ZNF527: variants seen among roughly 807,000 people sequenced by gnomAD.
ZNF527 encodes the protein zinc finger protein 527.
In ZNF527, 5 loss-of-function variants were observed where a neutral mutation model predicts 13.5. The observed-to-expected ratio is 0.37, with a 90% CI of 0.19 to 0.78. ZNF527 has a LOEUF of 0.78. Ranked by LOEUF, ZNF527 falls within the 30% of genes least tolerant of loss-of-function variation. The probability of loss-of-function intolerance (pLI) is 0.48; values close to 1 mark genes in which losing one functional copy is unlikely to be tolerated. For synonymous variants in ZNF527, 209 were observed against 243.1 expected (o/e 0.86, Z 1.30); for missense variants, 628 against 726.4 (o/e 0.86, Z 1.56).
At position 37,388,687 on chromosome 19, in the gene ZNF527, A is replaced by T. The variant is rs4452075; in HGVS notation, c.638A>T (p.His213Leu). The T allele has an allele frequency of 6.2e-7, 1 of 1,611,434 alleles. No homozygotes were observed. The change falls in exon 5 of 5, where the codon CAT (histidine) becomes CTT (leucine). Residue 213 changes from histidine to leucine, a missense_variant. Around this residue, in one of 3 missense-constraint regions of ZNF527, gnomAD observed 592 missense variants for 678.0 expected, o/e 0.87. Transcript: ENST00000436120. ...NSVIIEYKRL[H>L]AEKESLIGNE... Reference sequence around the variant, plus strand: ...GTCATAATTGAATATAAAAGACTCCATGCTGAGAAGGAATCTTTGATAGGT... The same window carrying T: ...GTCATAATTGAATATAAAAGACTCCTTGCTGAGAAGGAATCTTTGATAGGT...
chr19:37,385,442 A>T (rs1286425092), intron 4 of ZNF527: 2 of 398,460 alleles, frequency 5.0e-6, no homozygotes, highest in African/African-American at 4.1e-5. Flanking sequence ...GAATTTTACA[A>T]GTCAACCCTG....
In ZNF527 at chr19:37,371,208, G is replaced by C. The variant is rs1278391922; in HGVS notation, c.-60G>C. The C allele has an allele frequency of 6.5e-6, 1 of 152,674 alleles. No homozygotes were observed. Among genetic ancestry groups the C allele is most frequent in the African/African-American group, 2.4e-5 (1 of 41,454 alleles). 9.5% of individuals were successfully genotyped at this position (152,674 alleles called of 1,614,324 possible). ...GTCTCGGTCGCGGGGCCCGTTTGCA[G>C]AGCCCGCGGCGCCGGGAGGTGAGTG... is the stretch of plus-strand genomic sequence containing the variant. On this transcript the variant is annotated 5_prime_UTR_variant, in exon 1 of 5. Coordinates refer to ENST00000436120, the MANE Select transcript of ZNF527 (RefSeq NM_032453.2).
At chr19:37,371,863 G>T (rs2040559558) in intron 1 of ZNF527, among the ~76,000 whole-genome samples, 1 of 152,084 alleles carries the variant, frequency 6.6e-6, no homozygotes, top group Non-Finnish European at 1.5e-5. Context: ...GATTGGGTGA[G>T]AATTTGTGTG....
Position 37,375,298 on chromosome 19 carries a change from C to CTTTGT in ZNF527, c.33+1070_33+1071insGTTTT, listed in dbSNP as rs1354797643. Among the ~76,000 whole-genome samples, 97 of 103,810 alleles carry CTTTGT rather than the reference C, an allele frequency of 9.3e-4. 1 individual carries two copies. Among genetic ancestry groups the CTTTGT allele is most frequent in the African/African-American group, 4.2e-3 (97 of 23,072 alleles). The allele number at this position is 103,810 out of a possible 152,430, so 68.1% of individuals were successfully genotyped here. A position where few individuals can be genotyped will look rare whatever the true frequency, so the allele number is the denominator to read the frequency against. On this transcript the variant is annotated intron_variant, in intron 2 of 4. Transcript: ENST00000436120. Reference sequence around the variant, plus strand: ...TCTTTCTTTCTTTCTTTCTTTCTTTCTTTCTTTCTTTCTTTTCTTTCTTTC... The same window carrying CTTTGT: ...TCTTTCTTTCTTTCTTTCTTTCTTTCTTTGTTTTCTTTCTTTCTTTTCTTTCTTTC...
Position 37,392,747 on chromosome 19 carries a change from A to G in ZNF527, c.*2868A>G, listed in dbSNP as rs1442629787. On this transcript the variant is annotated 3_prime_UTR_variant, in exon 5 of 5. Transcript: ENST00000436120. ...GATTTCATCCTCGAGAGTGACGTAA[A>G]CCTAAGCTACTGGTTCATTCTCTGT... 1 of 152,132 alleles carries G rather than the reference A, an allele frequency of 6.6e-6. No homozygotes were observed. The highest frequency in any genetic ancestry group is 1.5e-5 in the Non-Finnish European group (1 of 68,022). The allele number at this position is 152,132 out of a possible 1,614,324, so 9.4% of individuals were successfully genotyped here.
Position 37,390,040 on chromosome 19 carries a change from T to G in ZNF527, c.*161T>G. Reference sequence around the variant, plus strand: ...CAGTAGTAGACATCTGTTACTTTTTTTTTTTTCAGACAGAGTCTCGCTCTG... The same window carrying G: ...CAGTAGTAGACATCTGTTACTTTTTGTTTTTTCAGACAGAGTCTCGCTCTG... On this transcript the variant is annotated 3_prime_UTR_variant, in exon 5 of 5. Transcript: ENST00000436120. The G allele has an allele frequency of 6.4e-6, 6 of 937,440 alleles. No homozygotes were observed. The highest frequency in any genetic ancestry group is 9.1e-6 in the Non-Finnish European group (6 of 659,716). 58.1% of individuals were successfully genotyped at this position (937,440 alleles called of 1,614,324 possible). A position where few individuals can be genotyped will look rare whatever the true frequency, so the allele number is the denominator to read the frequency against.
chr19:37,378,056 G>A (rs1055825218), intron 2 of ZNF527, among the ~76,000 whole-genome samples: 1 of 149,944 alleles, frequency 6.7e-6, no homozygotes, highest in African/African-American at 2.5e-5. Flanking sequence ...TTGAGACGGA[G>A]TCTTGCTCTG....
intron 3 of ZNF527, 122 bp downstream of exon 3, chr19:37,379,368 T>G (rs1257002525): frequency 1.7e-5 from 16 of 922,102 alleles, no homozygotes; most frequent in Middle Eastern, 2.4e-4. Flanking sequence ...TTCTACTTCC[T>G]GTTCCCAGGA....
At position 37,389,079 on chromosome 19, in the gene ZNF527, C is replaced by T. The variant is rs1299302344; in HGVS notation, c.1030C>T (p.His344Tyr). The T allele has an allele frequency of 6.2e-6, 10 of 1,613,992 alleles. No individual in the cohort carries two copies. In the Admixed American group the frequency reaches 8.3e-5, roughly 13 times the overall value. ...TAACAAAGCTTTCAGACAGAGTGCT[C>T]ACCTTGCTCAACATCAGAGGATCCA... is the stretch of plus-strand genomic sequence containing the variant. The part of the protein sequence containing the change: ...ECNKAFRQSA[H>Y]LAQHQRIHTG... The change falls in exon 5 of 5, where the codon CAC becomes TAC. Residue 344 changes from histidine to tyrosine, a missense_variant. This residue lies in a region of ZNF527 where 592 missense variants were observed against 678.0 expected (regional missense o/e 0.87). Coordinates refer to ENST00000436120, the MANE Select transcript of ZNF527 (RefSeq NM_032453.2).
At chr19:37,377,667 TACTA>T (rs1466001604) in intron 2 of ZNF527, among the ~76,000 whole-genome samples, 1 of 152,170 alleles carries the variant, frequency 6.6e-6, no homozygotes, top group Non-Finnish European at 1.5e-5. Context: ...ATAGCTCTCT[TACTA>T]ACCCTAGATC....
chr19:37,388,655 A>C lies in ZNF527; in HGVS notation c.606A>C (p.Gln202His). 6.2e-7 allele frequency: 1 copy of C among 1,613,242 alleles called. No individual in the cohort carries two copies. The change falls in exon 5 of 5, where the codon CAA becomes CAC. Residue 202 changes from glutamine to histidine, a missense_variant. Coordinates refer to ENST00000436120, the MANE Select transcript of ZNF527 (RefSeq NM_032453.2). ...KFDIYDKLFP[Q>H]NSVIIEYKRL... ...ATATTTATGATAAACTCTTCCCCCAAAATTCAGTCATAATTGAATATAAAA... is the reference window on the plus strand; with the variant it reads ...ATATTTATGATAAACTCTTCCCCCACAATTCAGTCATAATTGAATATAAAA...
chr19:37,375,465 G>C (rs541835117), intron 2 of ZNF527, among the ~76,000 whole-genome samples: 2 of 150,334 alleles, frequency 1.3e-5, no homozygotes, highest in East Asian at 2.0e-4. Flanking sequence ...GGGTTCAAGC[G>C]ATTCTCCTGC....
Position 37,374,237 on chromosome 19 carries a change from C to A in ZNF527, c.33+6C>A, listed in dbSNP as rs374818871. 1.2e-5 allele frequency: 20 copies of A among 1,613,984 alleles called. No individual in the cohort carries two copies. In the African/African-American group the frequency reaches 2.7e-4, roughly 22 times the overall value. ...TTTGTAAAGCCATGTCCCAGGTAAG[C>A]ATGCTCTTTCACTTTGTTTTCAGAC... On this transcript the variant is annotated splice_donor_region_variant and intron_variant, in intron 2 of 4. Coordinates refer to ENST00000436120, the MANE Select transcript of ZNF527 (RefSeq NM_032453.2).
rs1159117209 is a variant in ZNF527, at chr19:37,391,401, C to T, written c.*1522C>T. On this transcript the variant is annotated 3_prime_UTR_variant, in exon 5 of 5. Coordinates refer to ENST00000436120, the MANE Select transcript of ZNF527 (RefSeq NM_032453.2). ...CCTGACCAACATGGAGAAACCCCGT[C>T]TCTACTAAAAATACAAAATTAGCCG... is the stretch of plus-strand genomic sequence containing the variant. 6.6e-6 allele frequency: 1 copy of T among 151,876 alleles called. No homozygotes were observed. The highest frequency in any genetic ancestry group is 1.5e-5 in the Non-Finnish European group (1 of 68,004). 9.4% of individuals were successfully genotyped at this position (151,876 alleles called of 1,614,324 possible).
chr19:37,374,110 A>C lies in ZNF527; in HGVS notation c.-41-48A>C. 5.1e-6 allele frequency: 7 copies of C among 1,362,182 alleles called. No individual in the cohort carries two copies. The South Asian group carries it at 7.0e-5, about 14-fold the overall frequency. The allele number at this position is 1,362,182 out of a possible 1,614,324, so 84.4% of individuals were successfully genotyped here. A position where few individuals can be genotyped will look rare whatever the true frequency, so the allele number is the denominator to read the frequency against. On this transcript the variant is annotated intron_variant, in intron 1 of 4. Transcript: ENST00000436120. ...TATTTTTGTGGGTCTTGGACCAAAA[A>C]CACAGGGCTGGCACATCATCATTTC...
intron 4 of ZNF527, chr19:37,384,927 A>C (rs1037155865): frequency 1.4e-6 from 1 of 701,766 alleles, no homozygotes; most frequent in African/African-American, 1.8e-5. Flanking sequence ...ACTGCAGCCT[A>C]TACCTACGGA....
chr19:37,378,356 A>T (rs1165199886), intron 2 of ZNF527, among the ~76,000 whole-genome samples: 7 of 152,144 alleles, frequency 4.6e-5, no homozygotes, highest in Non-Finnish European at 1.0e-4. Context: ...GATTAAAAAA[A>T]GAGAACATAC....
intron 4 of ZNF527, among the ~76,000 whole-genome samples, chr19:37,386,659 A>G (rs1469850489): frequency 6.6e-6 from 1 of 152,188 alleles, no homozygotes; most frequent in Admixed American, 6.5e-5. Context: ...AAGGGGATCC[A>G]ATCTGTAAGT....
chr19:37,377,604 A>C (rs370806547), intron 2 of ZNF527, among the ~76,000 whole-genome samples: 152 of 152,336 alleles, frequency 1.0e-3, no homozygotes, highest in African/African-American at 3.3e-3. Flanking sequence ...AGATATTATC[A>C]GGACATAGAG....
Sources: gnomAD v4.1 joint callset for allele counts (sites outside exome capture counted in the v4.1 genomes callset) on GRCh38, gnomAD v4.1.1 for gene constraint, gnomAD v4.1.1 regional missense constraint, MANE v1.5 for transcripts, NCBI Gene and HGNC (gene_info 2026-07-23, HGNC 2026-07-21) for gene names.